GPC5: variants seen among roughly 807,000 people sequenced by gnomAD.
GPC5 encodes glypican-5.
In GPC5, 47 loss-of-function variants were observed where a neutral mutation model predicts 53.9. The observed-to-expected ratio is 0.87, with a 90% CI of 0.69 to 1.11. The LOEUF is 1.11. GPC5 is among the 50% of genes most tolerant of loss of function. The pLI is 0.00. For synonymous variants in GPC5, 286 were observed against 263.3 expected, an observed-to-expected ratio of 1.09 and a Z score of -0.84; for missense variants, 748 against 713.1, an observed-to-expected ratio of 1.05 and a Z score of -0.56.
chr13:91,414,889 A>G (rs1285241826), intron 1 of GPC5, among the ~76,000 whole-genome samples: 2 of 152,212 alleles, frequency 1.3e-5, no homozygotes, highest in African/African-American at 4.8e-5. Context: ...TGTGCAAGTC[A>G]TATACATAAA....
chr13:91,702,418 G>A (rs2036012918), intron 3 of GPC5, among the ~76,000 whole-genome samples: 1 of 152,038 alleles, frequency 6.6e-6, no homozygotes, highest in Non-Finnish European at 1.5e-5. Flanking sequence ...TACTTTTACA[G>A]TTTCAGGTCT....
chr13:91,974,477 A>G (rs9583979), intron 6 of GPC5, among the ~76,000 whole-genome samples: 3,212 of 147,060 alleles, frequency 0.022, 55 homozygotes, highest in Middle Eastern at 0.056. Context: ...CACCAATAAC[A>G]GACAAACAGA....
intron 2 of GPC5, among the ~76,000 whole-genome samples, chr13:91,544,193 C>T (rs556089694): frequency 1.7e-4 from 22 of 129,972 alleles, no homozygotes; most frequent in African/African-American, 5.6e-4. Flanking sequence ...GAAAAATCTA[C>T]TTATAAAATC....
At chr13:92,100,960 G>A (rs941392782) in intron 6 of GPC5, among the ~76,000 whole-genome samples, 10 of 152,120 alleles carry the variant, frequency 6.6e-5, no homozygotes, top group African/African-American at 2.4e-4. Flanking sequence ...TGTTAGACAG[G>A]ATATAGTAAA....
chr13:91,726,993 T>G (rs1305161885), intron 3 of GPC5, among the ~76,000 whole-genome samples: 1 of 152,170 alleles, frequency 6.6e-6, no homozygotes, highest in Admixed American at 6.5e-5. Context: ...TACACCCATT[T>G]CTCACACCAT....
chr13:91,490,084 A>G (rs889466941), intron 2 of GPC5, among the ~76,000 whole-genome samples: 1 of 152,132 alleles, frequency 6.6e-6, no homozygotes, highest in African/African-American at 2.4e-5. Flanking sequence ...TTGGTAAGAG[A>G]TTATTATTAT....
intron 6 of GPC5, among the ~76,000 whole-genome samples, chr13:91,999,114 T>C (rs2040531244): frequency 6.6e-6 from 1 of 152,226 alleles, no homozygotes; most frequent in South Asian, 2.1e-4. Context: ...TAGTTGCATT[T>C]TTCTCTGTGG....
chr13:91,683,605 A>G (rs1047320855), intron 2 of GPC5, among the ~76,000 whole-genome samples: 1 of 152,044 alleles, frequency 6.6e-6, no homozygotes, highest in African/African-American at 2.4e-5. Flanking sequence ...GGAACTCGCC[A>G]TTTTATTACC....
chr13:91,501,121 TCA>T (rs1054418399), intron 2 of GPC5, among the ~76,000 whole-genome samples: 3 of 152,148 alleles, frequency 2.0e-5, no homozygotes, highest in Admixed American at 6.6e-5. Context: ...ATACACACAC[TCA>T]CAGTGTTTAC....
At chr13:92,861,094 G>A (rs1466229909) in intron 7 of GPC5, among the ~76,000 whole-genome samples, 2 of 151,970 alleles carry the variant, frequency 1.3e-5, no homozygotes, top group African/African-American at 4.8e-5. Flanking sequence ...TATACATTAA[G>A]TGCTATCAAA....
chr13:92,555,167 T>G (rs1215205201), intron 7 of GPC5, among the ~76,000 whole-genome samples: 2 of 151,374 alleles, frequency 1.3e-5, no homozygotes, highest in Non-Finnish European at 3.0e-5. Flanking sequence ...AGTAAAACTG[T>G]AAGAAGATAC....
chr13:92,102,079 T>C (rs79607092), intron 6 of GPC5, among the ~76,000 whole-genome samples: 2 of 152,136 alleles, frequency 1.3e-5, no homozygotes, highest in Non-Finnish European at 2.9e-5. Flanking sequence ...GTGTATTTAA[T>C]GATTGATATC....
At chr13:92,462,332 G>T (rs1049792179) in intron 7 of GPC5, among the ~76,000 whole-genome samples, 18 of 152,078 alleles carry the variant, frequency 1.2e-4, no homozygotes, top group Admixed American at 2.0e-4. Flanking sequence ...ACCAGCAGAG[G>T]CGGTGAAAGG....
At chr13:91,670,747 A>C (rs2035225943) in intron 2 of GPC5, among the ~76,000 whole-genome samples, 1 of 152,152 alleles carries the variant, frequency 6.6e-6, no homozygotes, top group South Asian at 2.1e-4. Flanking sequence ...GAGGAATGTG[A>C]AATAATTTCT....
chr13:92,226,747 G>A (rs969937825), intron 7 of GPC5, among the ~76,000 whole-genome samples: 2 of 151,606 alleles, frequency 1.3e-5, no homozygotes, highest in African/African-American at 2.4e-5. Flanking sequence ...TACAGGCGCT[G>A]GCCATCACAC....
chr13:92,098,964 T>TC, intron 6 of GPC5, among the ~76,000 whole-genome samples: 1 of 151,986 alleles, frequency 6.6e-6, no homozygotes, highest in Non-Finnish European at 1.5e-5. Flanking sequence ...TTGCCTTTTT[T>TC]TTTTTTTGTC....
chr13:92,836,934 T>A (rs1878241025), intron 7 of GPC5, among the ~76,000 whole-genome samples: 1 of 151,216 alleles, frequency 6.6e-6, no homozygotes, highest in African/African-American at 2.4e-5. Context: ...AGGAGAAGAG[T>A]AATAACTAAA....
intron 2 of GPC5, among the ~76,000 whole-genome samples, chr13:91,487,943 T>TTTTA (rs57451193): frequency 6.6e-6 from 1 of 151,370 alleles, no homozygotes; most frequent in African/African-American, 2.4e-5. Context: ...TTTTTTTTTT[T>TTTTA]ACGGGGATAC....
At chr13:92,458,469 C>T (rs949336732) in intron 7 of GPC5, among the ~76,000 whole-genome samples, 25 of 151,748 alleles carry the variant, frequency 1.6e-4, no homozygotes, top group African/African-American at 4.6e-4. Context: ...TGGCTAATTT[C>T]TGTATTTTTA....
Sources: allele counts gnomAD v4.1 joint callset (sites outside exome capture counted in the v4.1 genomes callset), GRCh38; gene constraint gnomAD v4.1.1; transcripts MANE v1.5; gene names NCBI Gene and HGNC (gene_info 2026-07-23, HGNC 2026-07-21).